FBN2: variants seen among roughly 807,000 people sequenced by gnomAD.
The protein encoded by FBN2 is fibrillin 2.
FBN2 carries 105 observed loss-of-function variants against 355.6 expected under a neutral mutation model. The observed-to-expected ratio is 0.30, with a 90% CI of 0.25 to 0.35. The LOEUF (loss-of-function observed/expected upper bound fraction) is 0.35, where lower values mean the gene tolerates loss of function less well. Among genes scored for constraint, FBN2 ranks in the 10% least tolerant of loss-of-function variants. FBN2 has a pLI of 1.00. For synonymous variants in FBN2, 1,350 were observed against 1,301.2 expected (o/e 1.04, Z -0.81); for missense variants, 3,280 against 3,758.7 (o/e 0.87, Z 3.33).
Position 128,300,875 on chromosome 5 carries a change from C to T in FBN2, c.6108G>A (p.Glu2036=). ...SCSPGTCQNL[E]GSFRCICPPG... Reference sequence around the variant, plus strand: ...GGGGACAGATGCATCTGAAGGATCCCTCCAAATTCTGACAGGTACCAGGAG... The same window carrying T: ...GGGGACAGATGCATCTGAAGGATCCTTCCAAATTCTGACAGGTACCAGGAG... Residue 2036 remains glutamate (E), a synonymous_variant, in exon 48 of 65, where the codon GAG becomes GAA. Coordinates refer to ENST00000262464, the MANE Select transcript of FBN2 (RefSeq NM_001999.4). The T allele has an allele frequency of 1.2e-6, 2 of 1,613,880 alleles. No homozygotes were observed. Among genetic ancestry groups the T allele is most frequent in the African/African-American group, 2.7e-5 (2 of 75,024 alleles).
rs186577030 is a variant in FBN2, at chr5:128,259,766, A to T, written c.8428T>A (p.Ser2810Thr). 6.6e-5 allele frequency: 106 copies of T among 1,613,674 alleles called. No homozygotes were observed. In the African/African-American group the frequency reaches 1.3e-3, roughly 20 times the overall value. ...ATGTGCTCCTTAGAGCCGAGGTGGG[A>T]GAGGTTGAACTTCATGTTGACGGGG... ...DSPVNMKFNL[S>T]HLGSKEHILE... is the part of the protein sequence containing the mutation. The change falls in exon 65 of 65, where the codon TCC becomes ACC. Residue 2810 changes from serine (S) to threonine (T), a missense_variant. Physicochemically the swap from Ser to Thr is moderately conservative, Grantham distance 58. Coordinates refer to ENST00000262464, the MANE Select transcript of FBN2 (RefSeq NM_001999.4).
chr5:128,488,694 TC>T (rs556010347), intron 5 of FBN2, among the ~76,000 whole-genome samples: 73 of 150,886 alleles, frequency 4.8e-4, no homozygotes, highest in Non-Finnish European at 4.0e-4. Context: ...ATGTTCCCCT[TC>T]CTGTGTCAGT....
intron 43 of FBN2, 66 bp downstream of exon 43, chr5:128,305,757 A>G: frequency 3.1e-6 from 5 of 1,603,008 alleles, no homozygotes; most frequent in Non-Finnish European, 4.3e-6. Flanking sequence ...AAAATCAGAA[A>G]CCATCTAAAT....
In FBN2 at chr5:128,290,721, A is replaced by G. The variant is rs766726816; in HGVS notation, c.6445+11T>C. The G allele has an allele frequency of 1.3e-5, 21 of 1,613,848 alleles. No individual in the cohort carries two copies. The highest frequency in any genetic ancestry group is 1.7e-5 in the Non-Finnish European group (20 of 1,179,870). Reference sequence around the variant, plus strand: ...ACACAAAGTGCTGTCTGATGATGTCATTGCTCTTACCTTCATCGTCTTTGG... The same window carrying G: ...ACACAAAGTGCTGTCTGATGATGTCGTTGCTCTTACCTTCATCGTCTTTGG... On this transcript the variant is annotated intron_variant, in intron 50 of 64. Transcript: ENST00000262464.
intron 55 of FBN2, among the ~76,000 whole-genome samples, chr5:128,284,329 C>T (rs540035534): frequency 6.6e-6 from 1 of 152,268 alleles, no homozygotes; most frequent in South Asian, 2.1e-4. Context: ...AGCTAGCACA[C>T]ATGAACCTAG....
intron 6 of FBN2, among the ~76,000 whole-genome samples, chr5:128,449,025 A>C (rs1754150619): frequency 6.6e-6 from 1 of 152,002 alleles, no homozygotes; most frequent in South Asian, 2.1e-4. Context: ...CAGGTAAAAT[A>C]AAAGTGAGAT....
At chr5:128,402,222 A>G (rs1752815737) in intron 8 of FBN2, among the ~76,000 whole-genome samples, 1 of 152,202 alleles carries the variant, frequency 6.6e-6, no homozygotes, top group African/African-American at 2.4e-5. Context: ...GTCCAGGCAC[A>G]CTATTCCTTG....
intron 5 of FBN2, among the ~76,000 whole-genome samples, chr5:128,500,385 C>A (rs1481387538): frequency 6.7e-6 from 1 of 149,022 alleles, no homozygotes; most frequent in East Asian, 1.9e-4. Context: ...AACCCCTCTT[C>A]CCTCAAATGA....
Position 128,428,904 on chromosome 5 carries a change from G to A in FBN2, c.952+17577C>T, listed in dbSNP as rs541518475. 4.6e-5 allele frequency among the ~76,000 whole-genome samples: 7 copies of A among 152,192 alleles called. No homozygotes were observed. The South Asian group carries it at 1.0e-3, about 23-fold the overall frequency. ...AATCCTAAGGTCTCTCACCTCTCAC[G>A]GATGATTCTAGGGATAATAACTCCT... is the stretch of plus-strand genomic sequence containing the variant. On this transcript the variant is annotated intron_variant, in intron 7 of 64. Transcript: ENST00000262464.
intron 6 of FBN2, among the ~76,000 whole-genome samples, chr5:128,458,033 T>A (rs1333698630): frequency 6.6e-6 from 1 of 152,016 alleles, no homozygotes; most frequent in African/African-American, 2.4e-5. Flanking sequence ...GGATAAGCTG[T>A]CAAGACCCAT....
intron 19 of FBN2, 40 bp downstream of exon 19, chr5:128,361,683 A>G (rs756547514): frequency 1.2e-6 from 2 of 1,610,836 alleles, no homozygotes; most frequent in Non-Finnish European, 1.7e-6. Context: ...AACTCCAGGT[A>G]CTCACTATGC....
intron 5 of FBN2, among the ~76,000 whole-genome samples, chr5:128,510,482 A>C (rs1026280941): frequency 1.3e-5 from 2 of 152,160 alleles, no homozygotes; most frequent in African/African-American, 2.4e-5. Flanking sequence ...TTTGTTGCTT[A>C]GTGTCCAATA....
At chr5:128,392,935 T>C (rs917922232) in intron 10 of FBN2, among the ~76,000 whole-genome samples, 200 bp downstream of exon 10, 8 of 152,210 alleles carry the variant, frequency 5.3e-5, no homozygotes, top group African/African-American at 1.9e-4. Flanking sequence ...TCCTATTACA[T>C]TTTCCCAAAT....
intron 11 of FBN2, among the ~76,000 whole-genome samples, chr5:128,386,201 T>C (rs1273907375): frequency 2.0e-5 from 3 of 152,092 alleles, no homozygotes; most frequent in Non-Finnish European, 4.4e-5. Flanking sequence ...TTTTTGTATA[T>C]GATGAAAAGA....
At chr5:128,398,064 A>G (rs917017781) in intron 8 of FBN2, among the ~76,000 whole-genome samples, 5 of 152,182 alleles carry the variant, frequency 3.3e-5, no homozygotes, top group African/African-American at 1.2e-4. Context: ...TCTTCCTCAC[A>G]TCAATAGCTT....
At chr5:128,534,520 T>TA (rs1188311524) in intron 2 of FBN2, among the ~76,000 whole-genome samples, 3 of 152,244 alleles carry the variant, frequency 2.0e-5, no homozygotes, top group African/African-American at 7.2e-5. Context: ...TTTTTGTAGA[T>TA]ACGTCTTGAC....
intron 3 of FBN2, 60 bp downstream of exon 3, chr5:128,530,535 T>C: frequency 9.0e-7 from 1 of 1,112,264 alleles, no homozygotes; most frequent in African/African-American, 1.5e-5. Context: ...GAAGGACCTT[T>C]AGCATTTGCT....
intron 55 of FBN2, 68 bp from the exon 56 acceptor site, chr5:128,280,385 A>G: frequency 8.1e-7 from 1 of 1,227,980 alleles, no homozygotes; most frequent in South Asian, 1.2e-5. Context: ...CTATCTTCTA[A>G]TGGGTTATAT....
At chr5:128,518,773 G>A (rs1756353500) in intron 5 of FBN2, among the ~76,000 whole-genome samples, 1 of 152,046 alleles carries the variant, frequency 6.6e-6, no homozygotes, top group Non-Finnish European at 1.5e-5. Flanking sequence ...CATAAAGGAG[G>A]GCAGGGTCAA....
Sources: gnomAD v4.1 joint callset for allele counts (sites outside exome capture counted in the v4.1 genomes callset) on GRCh38, gnomAD v4.1.1 for gene constraint, MANE v1.5 for transcripts, NCBI Gene and HGNC (gene_info 2026-07-23, HGNC 2026-07-21) for gene names.